Variants in GMDS observed in about 807,000 individuals in gnomAD.
GMDS encodes GDP-mannose 4,6-dehydratase, also known as GDP-mannose 4,6 dehydratase.
A neutral mutation model predicts 49.9 loss-of-function variants in GMDS; 20 were observed. That is an observed-to-expected ratio of 0.40 (90% CI 0.28 to 0.58). The LOEUF is 0.58. GMDS is among the 20% of genes least tolerant of loss of function. The pLI, the probability that GMDS is intolerant of heterozygous loss-of-function variation, is 0.42. For synonymous variants in GMDS, 177 were observed against 178.6 expected, an observed-to-expected ratio of 0.99 and a Z score of 0.07; for missense variants, 362 against 481.4, an observed-to-expected ratio of 0.75 and a Z score of 2.32.
chr6:1,706,486 G>A (rs372485196), intron 9 of GMDS, among the ~76,000 whole-genome samples: 3 of 152,304 alleles, frequency 2.0e-5, no homozygotes, highest in East Asian at 1.9e-4. Context: ...TGATGAGAAC[G>A]ATGCTGAAGT....
intron 2 of GMDS, among the ~76,000 whole-genome samples, chr6:2,120,933 A>G (rs940418962): frequency 1.3e-5 from 2 of 152,262 alleles, no homozygotes; most frequent in South Asian, 2.1e-4. Context: ...TCACTCTGCC[A>G]CCTCCAGATC....
At chr6:1,840,854 T>C (rs1207012552) in intron 7 of GMDS, among the ~76,000 whole-genome samples, 3 of 152,192 alleles carry the variant, frequency 2.0e-5, no homozygotes, top group Non-Finnish European at 4.4e-5. Flanking sequence ...TTCGGGTTGG[T>C]TAAAATGCCT....
At chr6:2,094,622 C>A (rs920675133) in intron 4 of GMDS, among the ~76,000 whole-genome samples, 1 of 152,094 alleles carries the variant, frequency 6.6e-6, no homozygotes, top group Non-Finnish European at 1.5e-5. Context: ...GGAGAACTTA[C>A]CTAAGAAGTG....
At chr6:1,691,178 C>T (rs892455234) in intron 9 of GMDS, among the ~76,000 whole-genome samples, 148 of 152,098 alleles carry the variant, frequency 9.7e-4, no homozygotes, top group African/African-American at 3.3e-3. Context: ...ACTACGAAAA[C>T]ATAAAAAGGA....
chr6:1,733,858 A>C (rs1766914738), intron 8 of GMDS, among the ~76,000 whole-genome samples: 1 of 151,964 alleles, frequency 6.6e-6, no homozygotes, highest in African/African-American at 2.4e-5. Context: ...GTCTTAAAAA[A>C]AAAAAAAGAG....
At position 1,947,289 on chromosome 6, in the gene GMDS, C is replaced by CA. The variant is rs1581404313; in HGVS notation, c.643+12577dup. ...TCTCACCAACCTATTTTGTCTTCCT[C>CA]AAAAAACATTTATCAGTGTTCCTCT... On this transcript the variant is annotated intron_variant, in intron 6 of 10. Coordinates refer to ENST00000380815, the MANE Select transcript of GMDS (RefSeq NM_001500.4). Among the ~76,000 whole-genome samples the CA allele has an allele frequency of 4.6e-5, 7 of 152,214 alleles. No homozygotes were observed. The East Asian group carries it at 1.2e-3, about 25-fold the overall frequency.
chr6:2,196,937 G>A (rs563404982), intron 1 of GMDS, among the ~76,000 whole-genome samples: 1 of 152,146 alleles, frequency 6.6e-6, no homozygotes, highest in Non-Finnish European at 1.5e-5. Flanking sequence ...GATAATGGTG[G>A]TGATGACTTG....
intron 4 of GMDS, among the ~76,000 whole-genome samples, chr6:1,979,728 C>T (rs1384317819): frequency 6.6e-6 from 1 of 151,944 alleles, no homozygotes; most frequent in African/African-American, 2.4e-5. Context: ...AAGATGATCC[C>T]CAAGACACAT....
chr6:1,947,393 G>A (rs1381387324), intron 6 of GMDS, among the ~76,000 whole-genome samples: 1 of 152,120 alleles, frequency 6.6e-6, no homozygotes, highest in East Asian at 1.9e-4. Context: ...AGAGGCACTG[G>A]GGCCAGGGTT....
chr6:1,825,979 G>A (rs1771095157), intron 7 of GMDS, among the ~76,000 whole-genome samples: 2 of 152,128 alleles, frequency 1.3e-5, no homozygotes, highest in Admixed American at 1.3e-4. Flanking sequence ...TCACACCACT[G>A]TACTCCAGCC....
chr6:1,902,836 G>C (rs1359547070), intron 7 of GMDS, among the ~76,000 whole-genome samples: 1 of 152,036 alleles, frequency 6.6e-6, no homozygotes, highest in East Asian at 1.9e-4. Context: ...ATAAACTATT[G>C]TTTATTAACA....
At chr6:1,666,734 G>A (rs1457233540) in intron 9 of GMDS, among the ~76,000 whole-genome samples, 1 of 152,194 alleles carries the variant, frequency 6.6e-6, no homozygotes, top group Non-Finnish European at 1.5e-5. Flanking sequence ...CTCCTGTAAC[G>A]TCTACGGCTG....
intron 4 of GMDS, among the ~76,000 whole-genome samples, chr6:2,007,067 A>T (rs1158291180): frequency 2.0e-5 from 3 of 152,244 alleles, no homozygotes; most frequent in Non-Finnish European, 4.4e-5. Flanking sequence ...AATAGAAGAT[A>T]ACAAATTACT....
At chr6:1,828,202 A>G (rs1037917447) in intron 7 of GMDS, among the ~76,000 whole-genome samples, 10 of 152,258 alleles carry the variant, frequency 6.6e-5, no homozygotes, top group Middle Eastern at 3.4e-3. Flanking sequence ...AAGCAGAAGA[A>G]TTAGTAAATT....
At chr6:2,119,316 T>C (rs1454380041) in intron 2 of GMDS, among the ~76,000 whole-genome samples, 1 of 152,142 alleles carries the variant, frequency 6.6e-6, no homozygotes, top group Non-Finnish European at 1.5e-5. Flanking sequence ...CAGACAACTA[T>C]ACAAAGTCAA....
At chr6:1,872,692 C>G (rs556816035) in intron 7 of GMDS, among the ~76,000 whole-genome samples, 59 of 152,372 alleles carry the variant, frequency 3.9e-4, no homozygotes, top group Non-Finnish European at 1.2e-4. Flanking sequence ...TTAGCTAACT[C>G]GGTCAGAGGG....
chr6:1,718,080 G>A (rs1766234486), intron 9 of GMDS, among the ~76,000 whole-genome samples: 1 of 152,054 alleles, frequency 6.6e-6, no homozygotes, highest in African/African-American at 2.4e-5. Flanking sequence ...ATATGTTTCT[G>A]AGACTTACCT....
At chr6:1,815,494 T>C (rs958820857) in intron 7 of GMDS, among the ~76,000 whole-genome samples, 7 of 152,210 alleles carry the variant, frequency 4.6e-5, no homozygotes, top group African/African-American at 1.7e-4. Context: ...AACAGCCTTA[T>C]ATGGAATTAA....
At chr6:1,647,910 G>T (rs1259131572) in intron 9 of GMDS, among the ~76,000 whole-genome samples, 1 of 152,182 alleles carries the variant, frequency 6.6e-6, no homozygotes, top group Non-Finnish European at 1.5e-5. Flanking sequence ...GATGCTAGCG[G>T]TCTGGTCTTC....
Sources: gnomAD v4.1 joint callset for allele counts (sites outside exome capture counted in the v4.1 genomes callset) on GRCh38, gnomAD v4.1.1 for gene constraint, MANE v1.5 for transcripts, NCBI Gene and HGNC (gene_info 2026-07-23, HGNC 2026-07-21) for gene names.